SLC35F1: variants seen among roughly 807,000 people sequenced by gnomAD.
The protein encoded by SLC35F1 is solute carrier family 35 member F1.
A neutral mutation model predicts 48.7 loss-of-function variants in SLC35F1; 14 were observed. That is an observed-to-expected ratio of 0.29 (90% CI 0.19 to 0.45). SLC35F1 has a LOEUF of 0.45. Among genes scored for constraint, SLC35F1 ranks in the 20% least tolerant of loss-of-function variants. SLC35F1 has a pLI of 1.00. For missense variants in SLC35F1, 404 were observed against 500.0 expected (o/e 0.81, Z 1.83); for synonymous variants, 190 against 202.2 (o/e 0.94, Z 0.51).
chr6:118,038,143 A>G (rs1392678914), intron 1 of SLC35F1, among the ~76,000 whole-genome samples: 8 of 152,218 alleles, frequency 5.3e-5, no homozygotes, highest in Admixed American at 5.2e-4. Flanking sequence ...TATGAGTTAT[A>G]TCTACATACA....
chr6:118,304,824 G>A (rs1776293082), intron 7 of SLC35F1, among the ~76,000 whole-genome samples: 1 of 151,032 alleles, frequency 6.6e-6, no homozygotes, highest in African/African-American at 2.4e-5. Flanking sequence ...TAGGGAACTT[G>A]TCCAAGACAC....
At chr6:118,228,645 G>A (rs888122443) in intron 2 of SLC35F1, among the ~76,000 whole-genome samples, 1 of 152,046 alleles carries the variant, frequency 6.6e-6, no homozygotes, top group Non-Finnish European at 1.5e-5. Context: ...AGTGAACCAA[G>A]ATCACACCAC....
At chr6:118,291,264 C>T (rs1322919772) in intron 7 of SLC35F1, among the ~76,000 whole-genome samples, 1 of 151,562 alleles carries the variant, frequency 6.6e-6, no homozygotes, top group African/African-American at 2.4e-5. Flanking sequence ...CACACACACA[C>T]ACACACACAC....
intron 7 of SLC35F1, among the ~76,000 whole-genome samples, chr6:118,298,028 C>T (rs1267328562): frequency 6.6e-6 from 1 of 152,080 alleles, no homozygotes; most frequent in East Asian, 1.9e-4. Context: ...TGCTCTCTTG[C>T]TCCCTCTCTC....
intron 2 of SLC35F1, among the ~76,000 whole-genome samples, chr6:118,197,674 C>G (rs1582724676): frequency 6.6e-6 from 1 of 152,050 alleles, no homozygotes; most frequent in African/African-American, 2.4e-5. Context: ...TCAGTCCTTA[C>G]AAATGCCCTT....
chr6:118,281,194 C>A (rs1159470206), intron 6 of SLC35F1, among the ~76,000 whole-genome samples: 1 of 124,704 alleles, frequency 8.0e-6, no homozygotes, highest in Non-Finnish European at 1.8e-5. Context: ...CTCTCTCTCT[C>A]TCTCTCTCTC....
At chr6:118,173,598 C>G (rs1243630261) in intron 2 of SLC35F1, among the ~76,000 whole-genome samples, 5 of 152,022 alleles carry the variant, frequency 3.3e-5, no homozygotes, top group Non-Finnish European at 7.4e-5. Context: ...AAAAGCGATC[C>G]TAAGTGTGTG....
chr6:118,029,785 A>T (rs531666981), intron 1 of SLC35F1, among the ~76,000 whole-genome samples: 5 of 151,962 alleles, frequency 3.3e-5, no homozygotes, highest in Admixed American at 6.6e-5. Flanking sequence ...AAAAGTATGA[A>T]TTTTTTTTTC....
chr6:117,971,703 C>G (rs760821560), intron 1 of SLC35F1, among the ~76,000 whole-genome samples: 6 of 152,244 alleles, frequency 3.9e-5, no homozygotes, highest in African/African-American at 9.6e-5. Flanking sequence ...ACCACCAAGG[C>G]TTGGAGCTTG....
chr6:117,975,995 G>A (rs1028478999), intron 1 of SLC35F1, among the ~76,000 whole-genome samples: 1 of 152,100 alleles, frequency 6.6e-6, no homozygotes, highest in Non-Finnish European at 1.5e-5. Context: ...GAACATTCAC[G>A]TTGCCTCTCA....
At chr6:118,272,295 A>T (rs1775861322) in intron 4 of SLC35F1, among the ~76,000 whole-genome samples, 1 of 152,188 alleles carries the variant, frequency 6.6e-6, no homozygotes, top group African/African-American at 2.4e-5. Context: ...TGCCATAGAC[A>T]GATACCAATG....
intron 1 of SLC35F1, among the ~76,000 whole-genome samples, chr6:118,128,762 G>A (rs1411335746): frequency 6.6e-6 from 1 of 151,308 alleles, no homozygotes; most frequent in Non-Finnish European, 1.5e-5. Flanking sequence ...GTATACATAT[G>A]TAACTAACCT....
intron 1 of SLC35F1, among the ~76,000 whole-genome samples, chr6:118,100,087 G>A (rs1040989399): frequency 6.6e-6 from 1 of 152,066 alleles, no homozygotes; most frequent in Non-Finnish European, 1.5e-5. Flanking sequence ...CTCTTTATAA[G>A]TGAAGAAACT....
At chr6:118,037,655 G>A (rs895016389) in intron 1 of SLC35F1, among the ~76,000 whole-genome samples, 5 of 152,140 alleles carry the variant, frequency 3.3e-5, no homozygotes, top group African/African-American at 1.2e-4. Flanking sequence ...TAAAGAAAAT[G>A]TGGTACGTAT....
chr6:118,015,777 T>A (rs146847568), intron 1 of SLC35F1, among the ~76,000 whole-genome samples: 135 of 152,306 alleles, frequency 8.9e-4, no homozygotes, highest in African/African-American at 3.2e-3. Context: ...ATACTCATAC[T>A]ACACTTCTAA....
intron 1 of SLC35F1, among the ~76,000 whole-genome samples, chr6:118,048,078 G>A (rs953941652): frequency 6.6e-6 from 1 of 152,158 alleles, no homozygotes; most frequent in African/African-American, 2.4e-5. Flanking sequence ...TTTATTGAGA[G>A]TTTTTAGCAT....
rs554806533 is a variant in SLC35F1, at chr6:117,984,858, C to G, written c.173+76959C>G. Among the ~76,000 whole-genome samples the G allele has an allele frequency of 2.0e-5, 3 of 152,300 alleles. No individual in the cohort carries two copies. In the South Asian group the frequency reaches 6.2e-4, roughly 32 times the overall value. On this transcript the variant is annotated intron_variant, in intron 1 of 7. Transcript: ENST00000360388. ...GAATTAACCAGAGTGCATGACAGAG[C>G]TGGGAGAGTAACTCACACATGTCTG... is the stretch of plus-strand genomic sequence containing the variant.
intron 7 of SLC35F1, among the ~76,000 whole-genome samples, chr6:118,292,983 G>A (rs1776143162): frequency 6.6e-6 from 1 of 152,126 alleles, no homozygotes; most frequent in Non-Finnish European, 1.5e-5. Flanking sequence ...TCCACAGAAA[G>A]CACAGGAAAT....
intron 7 of SLC35F1, among the ~76,000 whole-genome samples, chr6:118,306,713 G>A (rs890934686): frequency 6.6e-6 from 1 of 152,154 alleles, no homozygotes; most frequent in African/African-American, 2.4e-5. Context: ...TTCCACTTCT[G>A]GCTTGGCTAT....
Sources: allele counts gnomAD v4.1 joint callset (sites outside exome capture counted in the v4.1 genomes callset), GRCh38; gene constraint gnomAD v4.1.1; transcripts MANE v1.5; gene names NCBI Gene and HGNC (gene_info 2026-07-23, HGNC 2026-07-21).